MCTP1: variants seen among roughly 807,000 people sequenced by gnomAD.
MCTP1 encodes multiple C2 and transmembrane domain-containing protein 1.
MCTP1 carries 69 observed loss-of-function variants against 120.6 expected under a neutral mutation model. The observed-to-expected ratio is 0.57, with a 90% CI of 0.47 to 0.70. The LOEUF (loss-of-function observed/expected upper bound fraction) is 0.70, where lower values mean the gene tolerates loss of function less well. MCTP1 is among the 30% of genes least tolerant of loss of function. The pLI is 0.00. For synonymous variants in MCTP1, 529 were observed against 493.1 expected, an observed-to-expected ratio of 1.07 and a Z score of -0.96; for missense variants, 1,203 against 1,248.8, an observed-to-expected ratio of 0.96 and a Z score of 0.55.
At chr5:95,189,524 G>A (rs1266340665) in intron 1 of MCTP1, among the ~76,000 whole-genome samples, 1 of 152,146 alleles carries the variant, frequency 6.6e-6, no homozygotes, top group African/African-American at 2.4e-5. Flanking sequence ...ATTGAAGATG[G>A]AGGCAAGGAA....
intron 16 of MCTP1, among the ~76,000 whole-genome samples, chr5:94,869,737 G>A (rs1001146345): frequency 2.0e-5 from 3 of 151,992 alleles, no homozygotes; most frequent in Admixed American, 6.6e-5. Context: ...AGATGTAAAC[G>A]TTTTTAAAAG....
At chr5:94,735,749 C>A (rs1437821793) in intron 19 of MCTP1, among the ~76,000 whole-genome samples, 2 of 151,336 alleles carry the variant, frequency 1.3e-5, no homozygotes, top group African/African-American at 4.9e-5. Flanking sequence ...TATAATTTTT[C>A]TTAAGTGCCA....
intron 19 of MCTP1, among the ~76,000 whole-genome samples, chr5:94,760,121 T>C (rs1332391503): frequency 6.6e-6 from 1 of 152,080 alleles, no homozygotes; most frequent in Non-Finnish European, 1.5e-5. Flanking sequence ...TAAGCCAACC[T>C]GTAGTATTAG....
intron 2 of MCTP1, among the ~76,000 whole-genome samples, chr5:94,955,972 G>A (rs1415425008): frequency 1.3e-5 from 2 of 152,192 alleles, no homozygotes; most frequent in South Asian, 4.1e-4. Flanking sequence ...TCCTGACAGG[G>A]AGACACCTCC....
intron 19 of MCTP1, among the ~76,000 whole-genome samples, chr5:94,743,394 AG>A (rs1468005313): frequency 1.3e-5 from 2 of 152,070 alleles, no homozygotes; most frequent in Admixed American, 1.3e-4. Context: ...CAGAGAAGAC[AG>A]AAATAAAAAA....
At chr5:95,220,433 T>C (rs558049508) in intron 1 of MCTP1, among the ~76,000 whole-genome samples, 1 of 152,078 alleles carries the variant, frequency 6.6e-6, no homozygotes, top group East Asian at 1.9e-4. Flanking sequence ...AGAGACACTA[T>C]CAGAATTTTT....
intron 17 of MCTP1, among the ~76,000 whole-genome samples, chr5:94,840,972 T>G (rs1189357207): frequency 6.6e-6 from 1 of 152,178 alleles, no homozygotes; most frequent in Non-Finnish European, 1.5e-5. Context: ...CCACCCTTAG[T>G]GGCCACTTGG....
At chr5:95,150,373 C>T (rs1760778024) in intron 1 of MCTP1, among the ~76,000 whole-genome samples, 1 of 152,140 alleles carries the variant, frequency 6.6e-6, no homozygotes, top group Non-Finnish European at 1.5e-5. Context: ...CAGAACAAAC[C>T]TCTTTCTAAG....
intron 8 of MCTP1, among the ~76,000 whole-genome samples, chr5:94,914,679 G>T (rs1246331178): frequency 6.6e-6 from 1 of 152,180 alleles, no homozygotes; most frequent in Non-Finnish European, 1.5e-5. Context: ...GTTCTGAAGT[G>T]TAATGGAGAA....
intron 1 of MCTP1, among the ~76,000 whole-genome samples, chr5:95,071,221 C>T (rs1203021057): frequency 1.3e-5 from 2 of 152,164 alleles, no homozygotes; most frequent in Non-Finnish European, 2.9e-5. Flanking sequence ...ACACCAGATC[C>T]GGAGCCTGAG....
At chr5:95,150,577 T>C (rs1582374613) in intron 1 of MCTP1, among the ~76,000 whole-genome samples, 1 of 152,320 alleles carries the variant, frequency 6.6e-6, no homozygotes, top group Non-Finnish European at 1.5e-5. Flanking sequence ...AAAATCCAGT[T>C]TATGAATACA....
chr5:94,837,026 A>G (rs1290745078), intron 17 of MCTP1, among the ~76,000 whole-genome samples: 1 of 152,064 alleles, frequency 6.6e-6, no homozygotes, highest in Admixed American at 6.5e-5. Context: ...TATGGGTTTG[A>G]CAGAAGCAAA....
chr5:95,162,993 G>A (rs543469958), intron 1 of MCTP1, among the ~76,000 whole-genome samples: 6 of 152,136 alleles, frequency 3.9e-5, no homozygotes, highest in South Asian at 2.1e-4. Flanking sequence ...GAACAAGTCC[G>A]TGTGATGCAG....
chr5:94,823,668 A>T (rs1786214917), intron 17 of MCTP1, among the ~76,000 whole-genome samples: 1 of 152,278 alleles, frequency 6.6e-6, no homozygotes, highest in East Asian at 1.9e-4. Flanking sequence ...GATTCTTCCT[A>T]TCCATGAGCA....
chr5:94,969,706 A>G (rs1405859475), intron 2 of MCTP1, among the ~76,000 whole-genome samples: 1 of 152,118 alleles, frequency 6.6e-6, no homozygotes, highest in African/African-American at 2.4e-5. Context: ...TCTTCCTACA[A>G]ATATTTAAAG....
chr5:94,777,128 C>T (rs982500016), intron 19 of MCTP1, among the ~76,000 whole-genome samples: 15 of 152,178 alleles, frequency 9.9e-5, no homozygotes, highest in African/African-American at 3.6e-4. Context: ...AGTCCTTTCA[C>T]ATGGAAAACA....
intron 2 of MCTP1, among the ~76,000 whole-genome samples, chr5:94,966,049 C>T (rs1038946736): frequency 4.6e-5 from 7 of 152,114 alleles, no homozygotes; most frequent in African/African-American, 1.2e-4. Context: ...TATACCAGCA[C>T]AAACAGATTA....
intron 1 of MCTP1, among the ~76,000 whole-genome samples, chr5:95,052,454 AT>A (rs1162356304): frequency 6.6e-6 from 1 of 152,186 alleles, no homozygotes; most frequent in Non-Finnish European, 1.5e-5. Context: ...GAATTCCTGT[AT>A]TTTATCTGGC....
chr5:95,081,946 T>C (rs1460304308), intron 1 of MCTP1: 11 of 531,842 alleles, frequency 2.1e-5, no homozygotes, highest in Non-Finnish European at 2.6e-5. Context: ...AGTGAATTAA[T>C]TTAATGTTAT....
Sources: allele counts gnomAD v4.1 joint callset (sites outside exome capture counted in the v4.1 genomes callset), GRCh38; gene constraint gnomAD v4.1.1; transcripts MANE v1.5; gene names NCBI Gene and HGNC (gene_info 2026-07-23, HGNC 2026-07-21).